Variants in LRBA observed in about 807,000 individuals in gnomAD.
The protein encoded by LRBA is lipopolysaccharide-responsive and beige-like anchor protein.
In LRBA, 176 loss-of-function variants were observed where a neutral mutation model predicts 330.0. That is an observed-to-expected ratio of 0.53 (90% confidence interval 0.47 to 0.60). LRBA has a LOEUF of 0.60. Among genes scored for constraint, LRBA ranks in the 20% least tolerant of loss-of-function variants. LRBA has a pLI of 0.00. For missense variants in LRBA, 3,259 were observed against 3,444.8 expected, an observed-to-expected ratio of 0.95 and a Z score of 1.35; for synonymous variants, 1,230 against 1,193.0, an observed-to-expected ratio of 1.03 and a Z score of -0.64.
At chr4:150,318,700 C>T (rs997257556) in intron 50 of LRBA, among the ~76,000 whole-genome samples, 40 of 152,168 alleles carry the variant, frequency 2.6e-4, no homozygotes, top group African/African-American at 9.4e-4. Context: ...GGTGTATTCC[C>T]ATATGTTATC....
intron 37 of LRBA, among the ~76,000 whole-genome samples, chr4:150,624,446 G>C (rs1438526293): frequency 6.6e-6 from 1 of 152,070 alleles, no homozygotes; most frequent in Non-Finnish European, 1.5e-5. Context: ...GGGCTTATGT[G>C]TTTCCCTTCT....
At chr4:150,744,714 T>C (rs1166454227) in intron 35 of LRBA, among the ~76,000 whole-genome samples, 1 of 152,214 alleles carries the variant, frequency 6.6e-6, no homozygotes, top group African/African-American at 2.4e-5. Context: ...TTGAAACTCA[T>C]ATTAACATAA....
intron 37 of LRBA, among the ~76,000 whole-genome samples, chr4:150,673,898 A>G (rs775724001): frequency 1.3e-5 from 2 of 152,164 alleles, no homozygotes; most frequent in Non-Finnish European, 2.9e-5. Context: ...ATACAAGACA[A>G]TGAGAGTTAT....
chr4:150,413,535 A>C (rs764709831), intron 47 of LRBA, among the ~76,000 whole-genome samples: 1 of 152,206 alleles, frequency 6.6e-6, no homozygotes, highest in South Asian at 2.1e-4. Context: ...AGGCATAAAA[A>C]GACTACATAT....
chr4:150,889,772 C>T (rs1729289001), intron 17 of LRBA, among the ~76,000 whole-genome samples: 1 of 152,162 alleles, frequency 6.6e-6, no homozygotes, highest in Non-Finnish European at 1.5e-5. Context: ...GCCATATCAT[C>T]TCTGTTACAA....
At chr4:150,606,979 G>A (rs1157325596) in intron 37 of LRBA, among the ~76,000 whole-genome samples, 1 of 152,126 alleles carries the variant, frequency 6.6e-6, no homozygotes, top group African/African-American at 2.4e-5. Flanking sequence ...AAACTTAAAT[G>A]ATAAACAGGA....
At chr4:150,780,902 C>T (rs969666500) in intron 34 of LRBA, among the ~76,000 whole-genome samples, 7 of 151,836 alleles carry the variant, frequency 4.6e-5, no homozygotes, top group South Asian at 2.1e-4. Flanking sequence ...TATTTTGAGA[C>T]GGAGTCTCGC....
At chr4:150,630,092 CT>C (rs1777229193) in intron 37 of LRBA, among the ~76,000 whole-genome samples, 1 of 152,170 alleles carries the variant, frequency 6.6e-6, no homozygotes, top group South Asian at 2.1e-4. Context: ...TGTATATCAT[CT>C]TTGAACCCTC....
At chr4:150,458,190 C>T (rs1754322818) in intron 44 of LRBA, among the ~76,000 whole-genome samples, 1 of 151,824 alleles carries the variant, frequency 6.6e-6, no homozygotes, top group African/African-American at 2.4e-5. Flanking sequence ...AGTACTAATG[C>T]TTAAAAGATG....
intron 35 of LRBA, among the ~76,000 whole-genome samples, chr4:150,753,992 G>T (rs1295636040): frequency 6.6e-6 from 1 of 151,794 alleles, no homozygotes; most frequent in African/African-American, 2.4e-5. Context: ...ACCTGAGCCA[G>T]GGAGATCAAG....
chr4:150,363,935 A>C (rs1739074404), intron 47 of LRBA, among the ~76,000 whole-genome samples: 1 of 152,224 alleles, frequency 6.6e-6, no homozygotes, highest in Non-Finnish European at 1.5e-5. Context: ...GGTTTGGCAG[A>C]GTTATAGAAA....
In LRBA at chr4:150,410,501, T is replaced by C. The variant is rs1013313904; in HGVS notation, c.7194+4937A>G. Among the ~76,000 whole-genome samples the C allele has an allele frequency of 7.9e-5, 12 of 152,134 alleles. 1 individual carries two copies. The highest frequency in any genetic ancestry group is 1.9e-4 in the African/African-American group (8 of 41,442). On this transcript the variant is annotated intron_variant, in intron 47 of 56. Transcript: ENST00000651943. ...TATTTGTGTCACCATTATGAAATAG[T>C]AGAGGAGACAAAAGCTATAGAACAT...
At chr4:150,374,019 C>T (rs1165786048) in intron 47 of LRBA, among the ~76,000 whole-genome samples, 3 of 152,168 alleles carry the variant, frequency 2.0e-5, no homozygotes, top group Non-Finnish European at 4.4e-5. Context: ...CCCAGAATCA[C>T]CTCTTCTTTC....
intron 37 of LRBA, among the ~76,000 whole-genome samples, chr4:150,612,695 A>C (rs929731015): frequency 3.3e-5 from 5 of 152,292 alleles, no homozygotes; most frequent in African/African-American, 1.2e-4. Flanking sequence ...TACCGTGTGG[A>C]AAGAACTGGT....
At chr4:150,990,785 C>T (rs539108579) in intron 2 of LRBA, among the ~76,000 whole-genome samples, 3 of 151,942 alleles carry the variant, frequency 2.0e-5, no homozygotes, top group South Asian at 2.1e-4. Flanking sequence ...TTTAGGTGGC[C>T]GAGGTGGGCG....
chr4:150,740,384 TA>T (rs1374615965), intron 35 of LRBA, among the ~76,000 whole-genome samples: 2 of 151,990 alleles, frequency 1.3e-5, no homozygotes, highest in African/African-American at 2.4e-5. Flanking sequence ...CTTTAGAAGA[TA>T]AAGTTAACAG....
At chr4:150,555,499 C>T (rs569887456) in intron 40 of LRBA, among the ~76,000 whole-genome samples, 7 of 152,104 alleles carry the variant, frequency 4.6e-5, no homozygotes, top group African/African-American at 1.4e-4. Flanking sequence ...GCCTGTAATC[C>T]CAGCACTTTG....
At chr4:150,997,844 C>T (rs1213217788) in intron 2 of LRBA, among the ~76,000 whole-genome samples, 1 of 151,904 alleles carries the variant, frequency 6.6e-6, no homozygotes, top group African/African-American at 2.4e-5. Context: ...GCTGGGATTA[C>T]AGGCGCACAC....
At chr4:150,330,255 G>C (rs1224218336) in intron 48 of LRBA, among the ~76,000 whole-genome samples, 1 of 152,020 alleles carries the variant, frequency 6.6e-6, no homozygotes, top group African/African-American at 2.4e-5. Flanking sequence ...TCCTAGAATG[G>C]TCACTCTTAT....
Sources: gnomAD v4.1 joint callset for allele counts (sites outside exome capture counted in the v4.1 genomes callset) on GRCh38, gnomAD v4.1.1 for gene constraint, MANE v1.5 for transcripts, NCBI Gene and HGNC (gene_info 2026-07-23, HGNC 2026-07-21) for gene names.